Variants in GSE1 observed in about 807,000 individuals in gnomAD.
GSE1 encodes the protein Gse1 coiled-coil protein, also known as genetic suppressor element 1.
In GSE1, 32 loss-of-function variants were observed where a neutral mutation model predicts 112.6. That is an observed-to-expected ratio of 0.28 (90% CI 0.21 to 0.38). The LOEUF (loss-of-function observed/expected upper bound fraction) is 0.38, where lower values mean the gene tolerates loss of function less well. Ranked by LOEUF, GSE1 falls within the 10% of genes least tolerant of loss-of-function variation. GSE1 has a pLI of 1.00. For missense variants in GSE1, 2,348 were observed against 1,699.2 expected, an observed-to-expected ratio of 1.38 and a Z score of -6.71; for synonymous variants, 1,115 against 735.6, an observed-to-expected ratio of 1.52 and a Z score of -8.35.
At chr16:85,247,920 G>C (rs139846684) in intron 1 of GSE1, among the ~76,000 whole-genome samples, 12 of 152,382 alleles carry the variant, frequency 7.9e-5, no homozygotes, top group African/African-American at 2.9e-4. Flanking sequence ...GGCTCTGCCA[G>C]ATGGTGGCTT....
At chr16:85,295,038 A>G (rs922052983) in intron 1 of GSE1, among the ~76,000 whole-genome samples, 2 of 151,838 alleles carry the variant, frequency 1.3e-5, no homozygotes, top group Non-Finnish European at 2.9e-5. Context: ...GATGGGAGCT[A>G]CCTCTCCACC....
intron 1 of GSE1, among the ~76,000 whole-genome samples, chr16:85,619,916 C>G (rs1487615882): frequency 2.6e-5 from 4 of 152,080 alleles, no homozygotes; most frequent in Non-Finnish European, 5.9e-5. Context: ...CATGATTTTC[C>G]CACTCCAGCC....
At position 85,666,144 on chromosome 16, in the gene GSE1, T is replaced by C. The variant is rs1207241691; in HGVS notation, c.2927T>C (p.Leu976Pro). ...LAPASGEKAR[L>P]SEAPGGKKSL... is the part of the protein sequence containing the mutation. ...CCTGCCAGCGGGGAGAAGGCCAGGC[T>C]GAGCGAGGCCCCTGGAGGCAAAAAG... Residue 976 changes from leucine (L) to proline (P), a missense_variant, in exon 13 of 16, where the codon CTG (leucine) becomes CCG (proline). Physicochemically the swap from Leu to Pro is moderately conservative, Grantham distance 98 (BLOSUM62 -3). Coordinates refer to ENST00000253458, the MANE Select transcript of GSE1 (RefSeq NM_014615.5). 2 of 1,613,392 alleles carry C rather than the reference T, an allele frequency of 1.2e-6. No individual in the cohort carries two copies. The highest frequency in any genetic ancestry group is 3.3e-5 in the Admixed American group (2 of 60,024).
chr16:85,240,351 C>T (rs1905076037), intron 1 of GSE1, among the ~76,000 whole-genome samples: 1 of 150,946 alleles, frequency 6.6e-6, no homozygotes, highest in Non-Finnish European at 1.5e-5. Context: ...ACAGCCAGAG[C>T]CCCTCAGTTG....
intron 2 of GSE1, among the ~76,000 whole-genome samples, chr16:85,446,893 G>C (rs79309122): frequency 2.0e-5 from 3 of 152,088 alleles, no homozygotes; most frequent in Non-Finnish European, 4.4e-5. Context: ...CTGGCCTTCC[G>C]TTCCCTCTGC....
chr16:85,275,336 G>A (rs1909250381), intron 1 of GSE1, among the ~76,000 whole-genome samples: 1 of 152,216 alleles, frequency 6.6e-6, no homozygotes, highest in Non-Finnish European at 1.5e-5. Context: ...GGGCAGGCAG[G>A]GGACAGAAGC....
chr16:85,223,266 T>C (rs879403214), intron 1 of GSE1, among the ~76,000 whole-genome samples: 1 of 152,344 alleles, frequency 6.6e-6, no homozygotes, highest in Non-Finnish European at 1.5e-5. Flanking sequence ...CTCACGCCTG[T>C]AATCCCAACA....
At chr16:85,196,027 C>G (rs2074920033) in intron 1 of GSE1, among the ~76,000 whole-genome samples, 2 of 152,186 alleles carry the variant, frequency 1.3e-5, no homozygotes, top group Non-Finnish European at 2.9e-5. Flanking sequence ...CACCCGATAA[C>G]CAAACACGGT....
At chr16:85,580,285 GA>G in intron 1 of GSE1, 1 of 152,688 alleles carries the variant, frequency 6.5e-6, no homozygotes, top group Non-Finnish European at 1.5e-5. Flanking sequence ...TCTCACAGTG[GA>G]AAAGCGTGTA....
chr16:85,390,983 C>A (rs1407320552), intron 2 of GSE1, among the ~76,000 whole-genome samples: 2 of 152,320 alleles, frequency 1.3e-5, no homozygotes, highest in East Asian at 3.9e-4. Flanking sequence ...TATTGCAGTG[C>A]CTTCACGGCT....
At chr16:85,192,404 C>T (rs1031262466) in intron 1 of GSE1, among the ~76,000 whole-genome samples, 2 of 152,188 alleles carry the variant, frequency 1.3e-5, no homozygotes, top group African/African-American at 4.8e-5. Flanking sequence ...CAAGTTAGGA[C>T]GTGTTAGAGC....
chr16:85,498,187 C>T (rs866488844), intron 2 of GSE1, among the ~76,000 whole-genome samples: 1 of 152,128 alleles, frequency 6.6e-6, no homozygotes, highest in Non-Finnish European at 1.5e-5. Context: ...GGCTGCGATT[C>T]CTCTCCTGGG....
chr16:85,613,020 G>A (rs2048094034), upstream of GSE1: 2 of 300,098 alleles, frequency 6.7e-6, no homozygotes, highest in Non-Finnish European at 1.2e-5. Context: ...CCGCGGCCCC[G>A]CTGGTGTCCC....
chr16:85,232,512 TC>T (rs935700114), intron 1 of GSE1, among the ~76,000 whole-genome samples: 1 of 152,088 alleles, frequency 6.6e-6, no homozygotes, highest in Non-Finnish European at 1.5e-5. Context: ...CTTTTCCTGC[TC>T]AGGGTGTGGT....
chr16:85,657,466 A>AGCG lies in GSE1; in HGVS notation c.1508_1510dup (p.Arg503dup). 2 of 1,609,726 alleles carry AGCG rather than the reference A, an allele frequency of 1.2e-6. No individual in the cohort carries two copies. The highest frequency in any genetic ancestry group is 1.7e-6 in the Non-Finnish European group (2 of 1,178,614). ...GAGGAGGAGAAGTGGCTGGCGCGGCAGCGGCGGCTGCGGCAGGAGAAGGAG... is the reference window on the plus strand; with the variant it reads ...GAGGAGGAGAAGTGGCTGGCGCGGCAGCGGCGGCGGCTGCGGCAGGAGAAGGAG... On this transcript the variant is annotated inframe_insertion, in exon 8 of 16. Coordinates refer to ENST00000253458, the MANE Select transcript of GSE1 (RefSeq NM_014615.5).
At chr16:85,501,536 C>T (rs1432523629) in intron 2 of GSE1, among the ~76,000 whole-genome samples, 3 of 152,032 alleles carry the variant, frequency 2.0e-5, no homozygotes, top group African/African-American at 7.2e-5. Flanking sequence ...AGACTACAGG[C>T]GTGTGCCACC....
intron 2 of GSE1, among the ~76,000 whole-genome samples, chr16:85,390,007 C>T (rs867508743): frequency 3.9e-5 from 6 of 152,086 alleles, no homozygotes; most frequent in African/African-American, 1.4e-4. Flanking sequence ...ACAGAGAAAG[C>T]GAAGAAAGCA....
chr16:85,220,888 GC>G (rs1567618612), intron 1 of GSE1, among the ~76,000 whole-genome samples: 1 of 148,368 alleles, frequency 6.7e-6, no homozygotes, highest in Non-Finnish European at 1.5e-5. Flanking sequence ...CCCAAATCGT[GC>G]CCCCCACTGC....
chr16:85,561,753 T>TG (rs2045531565), intron 1 of GSE1, among the ~76,000 whole-genome samples: 1 of 152,210 alleles, frequency 6.6e-6, no homozygotes, highest in Non-Finnish European at 1.5e-5. Context: ...TTGACCATCC[T>TG]GGGAGGGGCT....
Sources: allele counts gnomAD v4.1 joint callset (sites outside exome capture counted in the v4.1 genomes callset), GRCh38; gene constraint gnomAD v4.1.1; transcripts MANE v1.5; gene names NCBI Gene and HGNC (gene_info 2026-07-23, HGNC 2026-07-21).